PAQR8: variants seen among roughly 807,000 people sequenced by gnomAD.
PAQR8 encodes the protein membrane progestin receptor beta.
A neutral mutation model predicts 25.2 loss-of-function variants in PAQR8; 17 were observed. That is an observed-to-expected ratio of 0.67 (90% CI 0.46 to 1.01). The LOEUF (loss-of-function observed/expected upper bound fraction) is 1.01. Ranked by LOEUF, PAQR8 falls within the 50% of genes least tolerant of loss-of-function variation. The pLI is 0.00. For synonymous variants in PAQR8, 204 were observed against 190.6 expected (o/e 1.07, Z -0.58); for missense variants, 392 against 448.4 (o/e 0.87, Z 1.14).
chr6:52,371,132 T>C (rs1763415210), intron 1 of PAQR8, among the ~76,000 whole-genome samples: 1 of 152,122 alleles, frequency 6.6e-6, no homozygotes, highest in Non-Finnish European at 1.5e-5. Flanking sequence ...TGAAAAATGC[T>C]ATGAGGAAAA....
rs989787684 is a variant in PAQR8, at chr6:52,407,522, C to T, written c.*3244C>T. On this transcript the variant is annotated 3_prime_UTR_variant, in exon 2 of 2. Transcript: ENST00000442253. ...GTTGCCCACCTGTTCACAAAAAGTACCTTTATGCTTGAAAACATTAGGTTC... is the reference window on the plus strand; with the variant it reads ...GTTGCCCACCTGTTCACAAAAAGTATCTTTATGCTTGAAAACATTAGGTTC... 1 of 166,754 alleles carries T rather than the reference C, an allele frequency of 6.0e-6. No homozygotes were observed. The highest frequency in any genetic ancestry group is 2.4e-5 in the African/African-American group (1 of 41,336). 10.3% of individuals were successfully genotyped at this position (166,754 alleles called of 1,614,324 possible).
At position 52,379,728 on chromosome 6, in the gene PAQR8, G is replaced by A. The variant is rs576450123; in HGVS notation, c.-53+17479G>A. Among the ~76,000 whole-genome samples, 10 of 146,994 alleles carry A rather than the reference G, an allele frequency of 6.8e-5. No individual in the cohort carries two copies. In the South Asian group the frequency reaches 2.0e-3, roughly 29 times the overall value. ...TGCGAGCTCCGCCTCCCGGGTTCAC[G>A]CCATTCTCCTGCTTCAGCCTCCGAA... On this transcript the variant is annotated intron_variant, in intron 1 of 1. Coordinates refer to ENST00000442253, the MANE Select transcript of PAQR8 (RefSeq NM_133367.5).
At chr6:52,400,880 C>T (rs1410478035) in intron 1 of PAQR8, among the ~76,000 whole-genome samples, 1 of 152,212 alleles carries the variant, frequency 6.6e-6, no homozygotes, top group Non-Finnish European at 1.5e-5. Flanking sequence ...TCCCTAGTAC[C>T]TAGTACCTAG....
At chr6:52,390,624 G>A (rs1763693471) in intron 1 of PAQR8, among the ~76,000 whole-genome samples, 1 of 152,150 alleles carries the variant, frequency 6.6e-6, no homozygotes, top group African/African-American at 2.4e-5. Flanking sequence ...TGTGTGCTGT[G>A]GGGAAGGTCT....
In PAQR8 at chr6:52,384,271, A is replaced by C. The variant is rs114000989; in HGVS notation, c.-52-18891A>C. 3.6e-3 allele frequency among the ~76,000 whole-genome samples: 543 copies of C among 152,360 alleles called. 4 individuals carry two copies. The highest frequency in any genetic ancestry group is 0.022 in the South Asian group (106 of 4,830). ...TAGTGAAGCCATGGCTGAGGTTAAAAGGAATGCATAATGGTTTCACAATGT... is the reference window on the plus strand; with the variant it reads ...TAGTGAAGCCATGGCTGAGGTTAAACGGAATGCATAATGGTTTCACAATGT... On this transcript the variant is annotated intron_variant, in intron 1 of 1. Transcript: ENST00000442253.
chr6:52,373,831 G>T (rs1304173756), intron 1 of PAQR8, among the ~76,000 whole-genome samples: 2 of 151,236 alleles, frequency 1.3e-5, no homozygotes, highest in African/African-American at 4.9e-5. Flanking sequence ...TTGACTAATT[G>T]ATCAAGATAG....
chr6:52,393,173 CTG>C (rs1332185227), intron 1 of PAQR8, among the ~76,000 whole-genome samples: 1 of 152,064 alleles, frequency 6.6e-6, no homozygotes, highest in African/African-American at 2.4e-5. Flanking sequence ...CTCTCTGTAA[CTG>C]TTTCCTTATC....
At chr6:52,392,826 G>A (rs1763725298) in intron 1 of PAQR8, among the ~76,000 whole-genome samples, 1 of 152,038 alleles carries the variant, frequency 6.6e-6, no homozygotes, top group South Asian at 2.1e-4. Flanking sequence ...AGACCTATTT[G>A]GATTATTTGA....
chr6:52,366,125 A>C (rs1763349073), intron 1 of PAQR8, among the ~76,000 whole-genome samples: 1 of 152,086 alleles, frequency 6.6e-6, no homozygotes. Context: ...CTCTTCTGTA[A>C]ATGTCAACAC....
rs1238483154 is a variant in PAQR8, at chr6:52,403,583, A to C, written c.370A>C (p.Thr124Pro). 1.2e-6 allele frequency: 2 copies of C among 1,613,914 alleles called. No homozygotes were observed. Among genetic ancestry groups the C allele is most frequent in the Non-Finnish European group, 1.7e-6 (2 of 1,180,000 alleles). ...LFILSSITYL[T>P]CSLLAHLLQS... ...CATCCTGTCGTCAATCACTTACCTC[A>C]CCTGCAGCCTTCTGGCCCACCTGCT... is the stretch of plus-strand genomic sequence containing the variant. Residue 124 changes from threonine to proline, a missense_variant, in exon 2 of 2, where the codon ACC (threonine) becomes CCC (proline). Coordinates refer to ENST00000442253, the MANE Select transcript of PAQR8 (RefSeq NM_133367.5).
Position 52,404,381 on chromosome 6 carries a change from A to G in PAQR8, c.*103A>G, listed in dbSNP as rs1763883467. On this transcript the variant is annotated 3_prime_UTR_variant, in exon 2 of 2. Coordinates refer to ENST00000442253, the MANE Select transcript of PAQR8 (RefSeq NM_133367.5). ...AAGGCATTGGCTTTTAAATTAATAC[A>G]TATATCCAAGGATATGTTATAGCTG... The G allele has an allele frequency of 9.2e-7, 1 of 1,091,136 alleles. No homozygotes were observed. Among genetic ancestry groups the G allele is most frequent in the African/African-American group, 1.6e-5 (1 of 62,598 alleles). 67.6% of individuals were successfully genotyped at this position (1,091,136 alleles called of 1,614,324 possible).
chr6:52,407,770 T>C lies in PAQR8; in HGVS notation c.*3492T>C, dbSNP rs1410114881. The stretch of plus-strand genomic sequence containing the variant: ...ATGAATAACCATTAAAGTGATTTTG[T>C]ATATGCATTGTTGTAGTGTCAGCAG... On this transcript the variant is annotated 3_prime_UTR_variant, in exon 2 of 2. Transcript: ENST00000442253. 1 of 159,016 alleles carries C rather than the reference T, an allele frequency of 6.3e-6. No homozygotes were observed. The highest frequency in any genetic ancestry group is 1.5e-5 in the Non-Finnish European group (1 of 68,032). The allele number at this position is 159,016 out of a possible 1,614,324, so 9.9% of individuals were successfully genotyped here. A position where few individuals can be genotyped will look rare whatever the true frequency, so the allele number is the denominator to read the frequency against.
Position 52,384,049 on chromosome 6 carries a change from AT to A in PAQR8, c.-52-19111del, listed in dbSNP as rs1048794084. 9.4e-4 allele frequency among the ~76,000 whole-genome samples: 143 copies of A among 152,350 alleles called. 1 individual carries two copies. Among genetic ancestry groups the A allele is most frequent in the African/African-American group, 3.2e-3 (134 of 41,576 alleles). On this transcript the variant is annotated intron_variant, in intron 1 of 1. Transcript: ENST00000442253. ...AGGGACAGGTTTTGCATTTGCTGTG[AT>A]TAAAAATAATACAGATAATATGGAT...
rs116420123 is a variant in PAQR8, at chr6:52,369,874, G to A, written c.-53+7625G>A. Among the ~76,000 whole-genome samples, 1,446 of 152,202 alleles carry A rather than the reference G, an allele frequency of 9.5e-3. 21 individuals carry two copies. Among genetic ancestry groups the A allele is most frequent in the African/African-American group, 0.032 (1,339 of 41,500 alleles). The stretch of plus-strand genomic sequence containing the variant: ...TCCCTTGAGTTGTCAGAGACCCTGA[G>A]TACTTTAGAAAGTGGAATTAGTTTC... On this transcript the variant is annotated intron_variant, in intron 1 of 1. Transcript: ENST00000442253.
At chr6:52,394,373 G>A (rs1763743633) in intron 1 of PAQR8, among the ~76,000 whole-genome samples, 1 of 152,206 alleles carries the variant, frequency 6.6e-6, no homozygotes, top group Non-Finnish European at 1.5e-5. Context: ...AAAAGGAAAT[G>A]CATTTTAGGT....
chr6:52,375,134 C>T (rs1763470614), intron 1 of PAQR8, among the ~76,000 whole-genome samples: 1 of 152,070 alleles, frequency 6.6e-6, no homozygotes, highest in Admixed American at 6.5e-5. Context: ...GTAGAGTCAG[C>T]TCGGGGGTGG....
intron 1 of PAQR8, among the ~76,000 whole-genome samples, chr6:52,394,014 A>G (rs1457726158): frequency 6.6e-6 from 1 of 152,162 alleles, no homozygotes; most frequent in Non-Finnish European, 1.5e-5. Flanking sequence ...AGAGTGGGAG[A>G]TGCTTTGGGG....
chr6:52,377,131 G>T (rs554341398), intron 1 of PAQR8, among the ~76,000 whole-genome samples: 1 of 152,212 alleles, frequency 6.6e-6, no homozygotes, highest in African/African-American at 2.4e-5. Flanking sequence ...ATGTTAACTC[G>T]ATGGTAAACT....
At chr6:52,397,026 G>C (rs146117814) in intron 1 of PAQR8, among the ~76,000 whole-genome samples, 1 of 152,180 alleles carries the variant, frequency 6.6e-6, no homozygotes, top group Admixed American at 6.5e-5. Flanking sequence ...TACCACAATT[G>C]ACAGGGATGG....
Sources: gnomAD v4.1 joint callset for allele counts (sites outside exome capture counted in the v4.1 genomes callset) on GRCh38, gnomAD v4.1.1 for gene constraint, MANE v1.5 for transcripts, NCBI Gene and HGNC (gene_info 2026-07-23, HGNC 2026-07-21) for gene names.